Variants in RBSN observed in about 807,000 individuals in gnomAD.
RBSN encodes rabenosyn-5.
RBSN carries 34 observed loss-of-function variants against 60.5 expected under a neutral mutation model. The ratio of observed to expected loss-of-function variants is 0.56; its 90% CI spans 0.43 to 0.75. RBSN has a LOEUF of 0.75. Ranked by LOEUF, RBSN falls within the 30% of genes least tolerant of loss-of-function variation. RBSN has a pLI of 0.00. For missense variants in RBSN, 845 were observed against 986.8 expected (o/e 0.86, Z 1.92); for synonymous variants, 322 against 366.9 (o/e 0.88, Z 1.40).
Position 15,090,490 on chromosome 3 carries a change from T to G in RBSN, c.198A>C (p.Glu66Asp), listed in dbSNP as rs758975126. ...TCCCTGACTCTGCTCGATCATCCCC[T>G]TCTCGTTTCAACAACCTGTCCTTTG... ...KKAKDRLLKR[E>D]GDDRAESGTQ... is the part of the protein sequence containing the mutation. The change falls in exon 5 of 14, where the codon GAA becomes GAC. Residue 66 changes from glutamate to aspartate, a missense_variant. Physicochemically the swap from Glu to Asp is conservative, Grantham distance 45 (BLOSUM62 2). Transcript: ENST00000253699. The G allele has an allele frequency of 6.2e-7, 1 of 1,614,252 alleles. No homozygotes were observed. The highest frequency in any genetic ancestry group is 8.5e-7 in the Non-Finnish European group (1 of 1,180,050).
chr3:15,086,068 C>T (rs2043331748), intron 5 of RBSN, 107 bp from the exon 6 acceptor site: 1 of 355,262 alleles, frequency 2.8e-6, no homozygotes, highest in Non-Finnish European at 5.0e-6. Context: ...GGTTGGTCAA[C>T]ATAGCGAGAC....
intron 12 of RBSN, among the ~76,000 whole-genome samples, chr3:15,076,460 CTT>C (rs1342193131): frequency 3.9e-5 from 6 of 151,930 alleles, no homozygotes; most frequent in East Asian, 3.9e-4. Flanking sequence ...AAAAAAAACA[CTT>C]TGTTTTAATT....
chr3:15,090,438 C>T lies in RBSN; in HGVS notation c.250G>A (p.Gly84Arg), dbSNP rs1043189617. ...TCCCACATGTAAGGATCAACCCCTC[C>T]ATAGCTGAAAGACTCATATCCTTGG... ...GTQGYESFSYGGVDPYMWEPQ... is the reference protein window; with the variant it reads ...GTQGYESFSYRGVDPYMWEPQ... Residue 84 changes from glycine to arginine, a missense_variant, in exon 5 of 14, where the codon GGA (glycine) becomes AGA (arginine). Transcript: ENST00000253699. 5.0e-6 allele frequency: 8 copies of T among 1,614,214 alleles called. No homozygotes were observed. The highest frequency in any genetic ancestry group is 6.8e-6 in the Non-Finnish European group (8 of 1,180,042).
intron 4 of RBSN, chr3:15,091,429 G>A (rs746376149): frequency 1.1e-5 from 14 of 1,278,008 alleles, no homozygotes; most frequent in Non-Finnish European, 1.3e-5. Context: ...CCCCACTACT[G>A]CCCACGCACT....
Position 15,074,481 on chromosome 3 carries a change from T to G in RBSN, c.1656A>C (p.Arg552Ser), listed in dbSNP as rs1347867500. ...GCTCCAGCTGAAAAGGGCCGATTTC[T>G]CTGAAGTCCAGGGACCGAGTCCGTG... ...LHTRTRSLDF[R>S]EIGPFQLEPS... The change falls in exon 14 of 14, where the codon AGA becomes AGC. Residue 552 changes from arginine to serine, a missense_variant. By Grantham distance (110) the Arg-to-Ser change is moderately radical. Coordinates refer to ENST00000253699, the MANE Select transcript of RBSN (RefSeq NM_022340.4). The surrounding 1 kb of genome is among the most constrained non-coding windows in gnomAD (Gnocchi z 6.4). 1.9e-5 allele frequency: 31 copies of G among 1,614,064 alleles called. No homozygotes were observed. The highest frequency in any genetic ancestry group is 2.6e-5 in the Non-Finnish European group (31 of 1,180,032).
intron 8 of RBSN, among the ~76,000 whole-genome samples, chr3:15,083,243 T>C (rs568293849): frequency 6.6e-6 from 1 of 152,270 alleles, no homozygotes; most frequent in African/African-American, 2.4e-5. Flanking sequence ...AGGCAGCTTA[T>C]AAAATCTCAT....
chr3:15,090,222 A>G (rs987027121), intron 5 of RBSN, among the ~76,000 whole-genome samples, 177 bp downstream of exon 5: 4 of 152,208 alleles, frequency 2.6e-5, no homozygotes, highest in Non-Finnish European at 5.9e-5. Flanking sequence ...GCCTAACACA[A>G]AGTGGATGCT....
intron 4 of RBSN, 148 bp downstream of exon 4, chr3:15,095,825 G>A: frequency 9.7e-7 from 1 of 1,025,966 alleles, no homozygotes; most frequent in Non-Finnish European, 1.4e-6. Flanking sequence ...GGGAAACTCT[G>A]AAAACGCCTG....
chr3:15,079,278 G>C (rs528312702), intron 10 of RBSN, among the ~76,000 whole-genome samples: 90 of 152,306 alleles, frequency 5.9e-4, no homozygotes, highest in Admixed American at 1.6e-3. Context: ...AATAACTAGT[G>C]TTGGTAAGGC....
In RBSN at chr3:15,096,281, G is replaced by A; in HGVS notation, c.-161C>T. On this transcript the variant is annotated 5_prime_UTR_variant, in exon 4 of 14. Coordinates refer to ENST00000253699, the MANE Select transcript of RBSN (RefSeq NM_022340.4). Reference sequence around the variant, plus strand: ...GGATGAGGTTTCCTCTCTGGAGTAGGAGGAGCCCTAAGAAAGAAAAGAAGA... The same window carrying A: ...GGATGAGGTTTCCTCTCTGGAGTAGAAGGAGCCCTAAGAAAGAAAAGAAGA... 3.0e-6 allele frequency: 2 copies of A among 662,342 alleles called. No individual in the cohort carries two copies. 41.0% of individuals were successfully genotyped at this position (662,342 alleles called of 1,614,324 possible).
In RBSN at chr3:15,075,714, C is replaced by G. The variant is rs2043036453; in HGVS notation, c.1102-4G>C. 1.2e-6 allele frequency: 2 copies of G among 1,612,006 alleles called. No homozygotes were observed. Among genetic ancestry groups the G allele is most frequent in the Admixed American group, 1.7e-5 (1 of 59,978 alleles). On this transcript the variant is annotated splice_region_variant and splice_polypyrimidine_tract_variant and intron_variant, in intron 12 of 13. Coordinates refer to ENST00000253699, the MANE Select transcript of RBSN (RefSeq NM_022340.4). ...ACATCAAACCAAGCAACTTTTCCTGCAGGGAGTGACAGACAATTTTACACT... is the reference window on the plus strand; with the variant it reads ...ACATCAAACCAAGCAACTTTTCCTGGAGGGAGTGACAGACAATTTTACACT...
chr3:15,081,188 T>C (rs946845447), intron 9 of RBSN: 25 of 171,596 alleles, frequency 1.5e-4, no homozygotes, highest in African/African-American at 5.7e-4. Flanking sequence ...CTAATTTTTA[T>C]ATTTTTAGTA....
Position 15,082,551 on chromosome 3 carries a change from G to A in RBSN, c.656C>T (p.Ser219Leu). The change falls in exon 9 of 14, where the codon TCA becomes TTA. Residue 219 changes from serine (S) to leucine (L), a missense_variant. Ser to Leu is a moderately radical substitution (Grantham distance 145). Transcript: ENST00000253699. The surrounding 1 kb of genome is among the most constrained non-coding windows in gnomAD (Gnocchi z 4.2). ...SLSTHTSPSQ[S>L]PNSVHGSRRG... ...GCGGGAGCCATGGACACTGTTGGGT[G>A]ACTGGCTGGGGCTGGTGTGGGTGCT... The A allele has an allele frequency of 1.9e-6, 3 of 1,614,182 alleles. No individual in the cohort carries two copies. Among genetic ancestry groups the A allele is most frequent in the Non-Finnish European group, 2.5e-6 (3 of 1,180,028 alleles).
At chr3:15,097,813 A>C (rs2043702034) in intron 2 of RBSN, among the ~76,000 whole-genome samples, 1 of 152,108 alleles carries the variant, frequency 6.6e-6, no homozygotes, top group Non-Finnish European at 1.5e-5. Flanking sequence ...TGGTCCTCAA[A>C]GCTGAAGGGT....
intron 5 of RBSN, among the ~76,000 whole-genome samples, chr3:15,089,968 G>A (rs2043466075): frequency 6.6e-6 from 1 of 152,162 alleles, no homozygotes; most frequent in Non-Finnish European, 1.5e-5. Flanking sequence ...AAACATGAAA[G>A]TAGGTAGATG....
chr3:15,082,664 C>A lies in RBSN; in HGVS notation c.599-56G>T. The A allele has an allele frequency of 6.3e-7, 1 of 1,585,104 alleles. No individual in the cohort carries two copies. Among genetic ancestry groups the A allele is most frequent in the Non-Finnish European group, 8.6e-7 (1 of 1,163,322 alleles). On this transcript the variant is annotated intron_variant, in intron 8 of 13. Transcript: ENST00000253699. This position sits in a 1 kb window ranked among gnomAD's most constrained non-coding sequence, Gnocchi z 4.2. The stretch of plus-strand genomic sequence containing the variant: ...ACCCCCACAGCATCCAATTACCATA[C>A]CCACGACCTCAAGGTGTCAGTCCAC...
chr3:15,095,814 A>C, intron 4 of RBSN, 159 bp downstream of exon 4: 1 of 870,960 alleles, frequency 1.1e-6, no homozygotes, highest in Non-Finnish European at 1.8e-6. Context: ...ATTAATAAAC[A>C]GGGAAACTCT....
chr3:15,084,013 A>C lies in RBSN; in HGVS notation c.598+722T>G, dbSNP rs1333846817. Among the ~76,000 whole-genome samples, 1 of 152,266 alleles carries C rather than the reference A, an allele frequency of 6.6e-6. No homozygotes were observed. The highest frequency in any genetic ancestry group is 2.4e-5 in the African/African-American group (1 of 41,470). ...AGAATGGACAATGCCTTATAGGCTTATAGGCCAGAAATGGGCAAAAAATGA... is the reference window on the plus strand; with the variant it reads ...AGAATGGACAATGCCTTATAGGCTTCTAGGCCAGAAATGGGCAAAAAATGA... On this transcript the variant is annotated intron_variant, in intron 8 of 13. Coordinates refer to ENST00000253699, the MANE Select transcript of RBSN (RefSeq NM_022340.4). The surrounding 1 kb of genome is among the most constrained non-coding windows in gnomAD (Gnocchi z 4.2).
intron 4 of RBSN, among the ~76,000 whole-genome samples, chr3:15,093,114 C>A (rs966018959): frequency 2.0e-5 from 3 of 152,196 alleles, no homozygotes; most frequent in Non-Finnish European, 4.4e-5. Context: ...GAACTGCCCC[C>A]AAAACCTAAT....
Sources: allele counts gnomAD v4.1 joint callset (sites outside exome capture counted in the v4.1 genomes callset), GRCh38; gene constraint gnomAD v4.1.1; non-coding constraint Gnocchi (gnomAD v3.1); transcripts MANE v1.5; gene names NCBI Gene and HGNC (gene_info 2026-07-23, HGNC 2026-07-21).